The following MECOM variants were observed in gnomAD, a reference collection of about 807,000 sequenced individuals.
MECOM encodes the protein histone-lysine N-methyltransferase MECOM.
Under a neutral mutation model 116.3 loss-of-function variants are expected in MECOM, and 13 were observed. The ratio of observed to expected loss-of-function variants is 0.11; its 90% CI spans 0.07 to 0.18. The LOEUF is 0.18. MECOM is among the 10% of genes least tolerant of loss of function. MECOM has a pLI of 1.00. For synonymous variants in MECOM, 528 were observed against 535.2 expected, an observed-to-expected ratio of 0.99 and a Z score of 0.19; for missense variants, 1,299 against 1,509.0, an observed-to-expected ratio of 0.86 and a Z score of 2.31.
At chr3:169,571,906 A>G (rs1378657062) in intron 1 of MECOM, among the ~76,000 whole-genome samples, 1 of 152,212 alleles carries the variant, frequency 6.6e-6, no homozygotes, top group Non-Finnish European at 1.5e-5. Context: ...AACCTAGGCA[A>G]TACCATTCAG....
chr3:169,517,363 T>G (rs1213049214), intron 1 of MECOM, among the ~76,000 whole-genome samples: 1 of 152,224 alleles, frequency 6.6e-6, no homozygotes, highest in African/African-American at 2.4e-5. Flanking sequence ...TAGATTTATC[T>G]AAGCATGGTA....
intron 2 of MECOM, among the ~76,000 whole-genome samples, chr3:169,246,310 G>A (rs1157234584): frequency 3.9e-5 from 6 of 152,126 alleles, no homozygotes; most frequent in Non-Finnish European, 7.4e-5. Context: ...TCTCTAGCAG[G>A]AAGACTATAT....
At chr3:169,143,411 G>A (rs945021073) in intron 3 of MECOM, among the ~76,000 whole-genome samples, 1 of 152,010 alleles carries the variant, frequency 6.6e-6, no homozygotes, top group African/African-American at 2.4e-5. Flanking sequence ...AAGAAAAACT[G>A]AACGGTAGGC....
At chr3:169,651,723 C>A (rs1774938642) in intron 1 of MECOM, among the ~76,000 whole-genome samples, 2 of 152,008 alleles carry the variant, frequency 1.3e-5, no homozygotes, top group Admixed American at 1.3e-4. Context: ...TCTCACAAAT[C>A]ACCACTAAAA....
At chr3:169,401,380 C>A (rs1020649360) in intron 1 of MECOM, among the ~76,000 whole-genome samples, 3 of 151,342 alleles carry the variant, frequency 2.0e-5, no homozygotes, top group African/African-American at 7.3e-5. Context: ...TCCAAGAGTT[C>A]TGACCATTAA....
intron 1 of MECOM, among the ~76,000 whole-genome samples, chr3:169,565,702 C>T (rs1340182230): frequency 6.6e-6 from 1 of 152,182 alleles, no homozygotes; most frequent in African/African-American, 2.4e-5. Context: ...CCAGAAAAAT[C>T]TGGGTGGTCA....
chr3:169,449,609 C>T (rs1578133113), intron 1 of MECOM, among the ~76,000 whole-genome samples: 2 of 152,220 alleles, frequency 1.3e-5, no homozygotes, highest in African/African-American at 4.8e-5. Context: ...ATCAATCAAG[C>T]TAATACAAAT....
chr3:169,306,155 A>T (rs1206899403), intron 2 of MECOM, among the ~76,000 whole-genome samples: 1 of 152,172 alleles, frequency 6.6e-6, no homozygotes, highest in Non-Finnish European at 1.5e-5. Context: ...AGCATTATCG[A>T]GGTAATAAAA....
intron 2 of MECOM, among the ~76,000 whole-genome samples, chr3:169,198,622 C>A (rs1410215844): frequency 6.6e-6 from 1 of 151,912 alleles, no homozygotes; most frequent in Non-Finnish European, 1.5e-5. Context: ...CCTTCGCATA[C>A]CTTACCCACT....
At chr3:169,130,052 T>C (rs947225937) in intron 4 of MECOM, among the ~76,000 whole-genome samples, 1 of 150,192 alleles carries the variant, frequency 6.7e-6, no homozygotes, top group Non-Finnish European at 1.5e-5. Context: ...GTAACATATG[T>C]AGTGTATGTA....
chr3:169,309,282 T>C (rs536993712), intron 2 of MECOM, among the ~76,000 whole-genome samples: 2 of 152,310 alleles, frequency 1.3e-5, no homozygotes, highest in East Asian at 1.9e-4. Flanking sequence ...ATTTAAAAAA[T>C]GGTAAAATAA....
intron 2 of MECOM, among the ~76,000 whole-genome samples, chr3:169,152,211 T>A (rs890513795): frequency 2.6e-5 from 4 of 152,158 alleles, no homozygotes; most frequent in Non-Finnish European, 5.9e-5. Context: ...TACTGGTGAC[T>A]CTTGGTGGAC....
chr3:169,144,694 C>T (rs1207496386), intron 2 of MECOM, among the ~76,000 whole-genome samples: 1 of 152,100 alleles, frequency 6.6e-6, no homozygotes, highest in Non-Finnish European at 1.5e-5. Context: ...TATTCTGATT[C>T]ACTAACAGCA....
intron 1 of MECOM, among the ~76,000 whole-genome samples, chr3:169,507,650 CTTTTTTT>C (rs1165167849): frequency 1.7e-4 from 10 of 57,144 alleles, no homozygotes; most frequent in Admixed American, 4.6e-4. Flanking sequence ...TCCCCACTTG[CTTTTTTT>C]TTTTTTTTTT....
chr3:169,440,414 G>A (rs1346914617), intron 1 of MECOM, among the ~76,000 whole-genome samples: 1 of 152,114 alleles, frequency 6.6e-6, no homozygotes, highest in Non-Finnish European at 1.5e-5. Flanking sequence ...CATGGAGGAA[G>A]CCTTGAAAGA....
rs559704621 is a variant in MECOM at position 169,374,792 on chromosome 3, G to T, written c.375+6395C>A. ...TCATACTTTTAATCCCAGCACTTTG[G>T]GGAGCCAAGGTAAGAGGATCACTTG... On this transcript the variant is annotated intron_variant, in intron 2 of 16. Transcript: ENST00000651503. Among the ~76,000 whole-genome samples, 5 of 152,058 alleles carry T rather than the reference G, an allele frequency of 3.3e-5. No homozygotes were observed. In the East Asian group the frequency reaches 9.7e-4, roughly 29 times the overall value.
intron 3 of MECOM, among the ~76,000 whole-genome samples, chr3:169,135,315 G>A (rs73167955): frequency 6.6e-6 from 1 of 151,864 alleles, no homozygotes; most frequent in African/African-American, 2.4e-5. Context: ...CTGAAATTTT[G>A]TAATGAATAT....
chr3:169,414,958 T>C (rs906484333), intron 1 of MECOM, among the ~76,000 whole-genome samples: 2 of 152,186 alleles, frequency 1.3e-5, no homozygotes, highest in Admixed American at 1.3e-4. Flanking sequence ...GAAAACACAC[T>C]TCAGGATATT....
At chr3:169,608,657 C>G (rs933604) in intron 1 of MECOM, among the ~76,000 whole-genome samples, 38,725 of 152,020 alleles carry the variant, frequency 0.25, 5,517 homozygotes, top group Non-Finnish European at 0.32. Context: ...ATGAAGCAGT[C>G]CTAATGGAAC....
Sources: gnomAD v4.1 joint callset for allele counts (sites outside exome capture counted in the v4.1 genomes callset) on GRCh38, gnomAD v4.1.1 for gene constraint, MANE v1.5 for transcripts, NCBI Gene and HGNC (gene_info 2026-07-23, HGNC 2026-07-21) for gene names.